LRRTM4: variants seen among roughly 807,000 people sequenced by gnomAD.
LRRTM4 encodes leucine-rich repeat transmembrane neuronal protein 4.
Under a neutral mutation model 47.6 loss-of-function variants are expected in LRRTM4, and 25 were observed. That is an observed-to-expected ratio of 0.53 (90% CI 0.38 to 0.73). The LOEUF (loss-of-function observed/expected upper bound fraction) is 0.73, where lower values mean the gene tolerates loss of function less well. Ranked by LOEUF, LRRTM4 falls within the 30% of genes least tolerant of loss-of-function variation. The pLI, the probability that LRRTM4 is intolerant of heterozygous loss-of-function variation, is 0.00. For synonymous variants in LRRTM4, 311 were observed against 269.5 expected, an observed-to-expected ratio of 1.15 and a Z score of -1.51; for missense variants, 638 against 713.4, an observed-to-expected ratio of 0.89 and a Z score of 1.20.
At chr2:76,903,586 C>G (rs1191648357) in intron 3 of LRRTM4, among the ~76,000 whole-genome samples, 1 of 151,988 alleles carries the variant, frequency 6.6e-6, no homozygotes, top group Non-Finnish European at 1.5e-5. Context: ...AACAACAAAA[C>G]TACAAAAGCT....
intron 3 of LRRTM4, among the ~76,000 whole-genome samples, chr2:77,169,495 A>G (rs771314703): frequency 6.6e-6 from 1 of 152,092 alleles, no homozygotes; most frequent in Non-Finnish European, 1.5e-5. Context: ...TGATGGTATG[A>G]AGAGTTGGGT....
At chr2:76,982,035 C>T (rs1676627287) in intron 3 of LRRTM4, among the ~76,000 whole-genome samples, 1 of 151,996 alleles carries the variant, frequency 6.6e-6, no homozygotes, top group South Asian at 2.1e-4. Flanking sequence ...TATTTGCTAA[C>T]AAAAGGATTG....
At chr2:76,940,133 T>C (rs1449853218) in intron 3 of LRRTM4, among the ~76,000 whole-genome samples, 1 of 152,118 alleles carries the variant, frequency 6.6e-6, no homozygotes, top group Admixed American at 6.6e-5. Context: ...GCAACCCCAC[T>C]ACTGGGTATA....
chr2:77,415,085 T>A (rs1328912447), intron 3 of LRRTM4, among the ~76,000 whole-genome samples: 1 of 152,218 alleles, frequency 6.6e-6, no homozygotes, highest in Non-Finnish European at 1.5e-5. Flanking sequence ...TGTACTGCTA[T>A]GTTTGCACTC....
chr2:76,905,270 C>T (rs1338631240), intron 3 of LRRTM4, among the ~76,000 whole-genome samples: 1 of 152,142 alleles, frequency 6.6e-6, no homozygotes, highest in African/African-American at 2.4e-5. Flanking sequence ...CAAATTCCAA[C>T]AGACCTGCGG....
chr2:77,081,621 A>AG lies in LRRTM4; in HGVS notation c.1552-332706_1552-332705insC, dbSNP rs148495870. On this transcript the variant is annotated intron_variant, in intron 3 of 3. Transcript: ENST00000409884. Reference sequence around the variant, plus strand: ...TACATAGGTGACTTTCTTCCCAAAAAATGGCAAGTATATTGTCAAGTTTGG... The same window carrying AG: ...TACATAGGTGACTTTCTTCCCAAAAAGATGGCAAGTATATTGTCAAGTTTGG... Among the ~76,000 whole-genome samples, 222 of 152,204 alleles carry AG rather than the reference A, an allele frequency of 1.5e-3. 2 individuals are homozygous for AG. In the East Asian group the frequency reaches 0.035, roughly 24 times the overall value.
At chr2:77,272,771 A>C (rs6547140) in intron 3 of LRRTM4, among the ~76,000 whole-genome samples, 23,518 of 151,914 alleles carry the variant, frequency 0.15, 3,930 homozygotes, top group African/African-American at 0.42. Context: ...AGATCCTGGC[A>C]CCACCCTCCT....
intron 3 of LRRTM4, among the ~76,000 whole-genome samples, chr2:76,810,512 A>C (rs1670701551): frequency 6.6e-6 from 1 of 152,170 alleles, no homozygotes; most frequent in African/African-American, 2.4e-5. Context: ...ATTATTGATA[A>C]AATTGTTTTG....
intron 3 of LRRTM4, among the ~76,000 whole-genome samples, chr2:77,028,512 T>G (rs919689034): frequency 3.3e-5 from 5 of 152,016 alleles, no homozygotes; most frequent in Admixed American, 3.3e-4. Context: ...CTGGATTATG[T>G]GGGATGAGAT....
chr2:77,031,583 G>T (rs1415048303), intron 3 of LRRTM4, among the ~76,000 whole-genome samples: 2 of 152,026 alleles, frequency 1.3e-5, no homozygotes, highest in Non-Finnish European at 2.9e-5. Context: ...AGAGTCCCAA[G>T]GTTTATTTAG....
At chr2:77,194,584 C>A (rs1340961778) in intron 3 of LRRTM4, among the ~76,000 whole-genome samples, 1 of 152,156 alleles carries the variant, frequency 6.6e-6, no homozygotes, top group African/African-American at 2.4e-5. Context: ...TCATGATATT[C>A]TTAAGAGCTT....
At chr2:77,362,144 A>AGAAG (rs1672252615) in intron 3 of LRRTM4, among the ~76,000 whole-genome samples, 1 of 149,592 alleles carries the variant, frequency 6.7e-6, no homozygotes, top group Non-Finnish European at 1.5e-5. Context: ...AAAGAAAGAA[A>AGAAG]GAAAGAAAGA....
At chr2:77,037,222 G>C (rs987238927) in intron 3 of LRRTM4, among the ~76,000 whole-genome samples, 60 of 151,786 alleles carry the variant, frequency 4.0e-4, no homozygotes, top group African/African-American at 1.4e-3. Context: ...TGGGCTTCAC[G>C]GATCCTGGTT....
chr2:76,883,220 G>A (rs145604792), intron 3 of LRRTM4, among the ~76,000 whole-genome samples: 4 of 152,232 alleles, frequency 2.6e-5, no homozygotes, highest in Admixed American at 6.5e-5. Context: ...TTTCCTCTTC[G>A]GTGACAAGCC....
intron 3 of LRRTM4, among the ~76,000 whole-genome samples, chr2:77,163,100 T>C (rs1672778505): frequency 6.6e-6 from 1 of 152,092 alleles, no homozygotes; most frequent in South Asian, 2.1e-4. Flanking sequence ...GACAAATGGC[T>C]AACGAGAATA....
intron 3 of LRRTM4, among the ~76,000 whole-genome samples, chr2:76,933,051 C>T (rs1314288753): frequency 1.3e-5 from 2 of 151,972 alleles, no homozygotes; most frequent in South Asian, 2.1e-4. Flanking sequence ...TTCCTCACAT[C>T]CTATTTTTTT....
Position 77,072,813 on chromosome 2 carries a change from A to AC in LRRTM4, c.1552-323898_1552-323897insG, listed in dbSNP as rs1178981740. Among the ~76,000 whole-genome samples, 32 of 151,354 alleles carry AC rather than the reference A, an allele frequency of 2.1e-4. No homozygotes were observed. The East Asian group carries it at 5.6e-3, about 27-fold the overall frequency. On this transcript the variant is annotated intron_variant, in intron 3 of 3. Transcript: ENST00000409884. ...GACTCCGTCTTCCAAAAAAAAAAAA[A>AC]AAAAAAAAAACAAAGGCTGCCTTAC...
At chr2:77,148,939 C>T (rs1243635510) in intron 3 of LRRTM4, among the ~76,000 whole-genome samples, 1 of 152,120 alleles carries the variant, frequency 6.6e-6, no homozygotes, top group African/African-American at 2.4e-5. Context: ...TATTTCGTTT[C>T]CTCACATAAA....
intron 3 of LRRTM4, among the ~76,000 whole-genome samples, chr2:77,465,954 G>A (rs920350830): frequency 4.7e-5 from 7 of 149,692 alleles, no homozygotes; most frequent in Non-Finnish European, 1.1e-4. Context: ...ATGCAATATG[G>A]ACTGTTTTTC....
Sources: gnomAD v4.1 joint callset for allele counts (sites outside exome capture counted in the v4.1 genomes callset) on GRCh38, gnomAD v4.1.1 for gene constraint, MANE v1.5 for transcripts, NCBI Gene and HGNC (gene_info 2026-07-23, HGNC 2026-07-21) for gene names.